LARGE1: variants seen among roughly 807,000 people sequenced by gnomAD.
The protein encoded by LARGE1 is xylosyl- and glucuronyltransferase LARGE1.
LARGE1 carries 43 observed loss-of-function variants against 87.6 expected under a neutral mutation model. The observed-to-expected ratio is 0.49, with a 90% CI of 0.38 to 0.63. The LOEUF is 0.63. Among genes scored for constraint, LARGE1 ranks in the 30% least tolerant of loss-of-function variants. The probability of loss-of-function intolerance (pLI) is 0.00; values close to 1 mark genes in which losing one functional copy is unlikely to be tolerated. For missense variants in LARGE1, 802 were observed against 1,000.2 expected (o/e 0.80, Z 2.67); for synonymous variants, 434 against 394.6 (o/e 1.10, Z -1.18).
intron 5 of LARGE1, among the ~76,000 whole-genome samples, chr22:33,575,813 G>A (rs561925056): frequency 3.3e-5 from 5 of 152,250 alleles, no homozygotes; most frequent in Non-Finnish European, 7.3e-5. Context: ...CTACAGACAC[G>A]TCCCTCCTCC....
chr22:33,515,179 T>C (rs1156700519), intron 6 of LARGE1, among the ~76,000 whole-genome samples: 1 of 151,932 alleles, frequency 6.6e-6, no homozygotes, highest in Non-Finnish European at 1.5e-5. Context: ...CATGATGTGA[T>C]TCCAGACCGC....
chr22:33,115,752 G>A, the LARGE1 span, among the ~76,000 whole-genome samples: 105 of 150,198 alleles, frequency 7.0e-4, 1 homozygote, highest in African/African-American at 2.1e-3. Flanking sequence ...GGGAGGCGGC[G>A]GTTGCAGTGA....
chr22:33,765,708 A>AAG (rs5845109), intron 1 of LARGE1, among the ~76,000 whole-genome samples: 1 of 19,926 alleles, frequency 5.0e-5, no homozygotes, highest in Admixed American at 3.0e-4. Flanking sequence ...TCCATCTCAC[A>AAG]AAAAAAAAAA....
At chr22:33,520,562 C>T (rs1031186395) in intron 6 of LARGE1, among the ~76,000 whole-genome samples, 2 of 152,246 alleles carry the variant, frequency 1.3e-5, no homozygotes, top group African/African-American at 2.4e-5. Flanking sequence ...CCAACACCTG[C>T]CCCCACTGCC....
At chr22:33,181,708 T>C (rs1328103924) in intron 11 of LARGE1, among the ~76,000 whole-genome samples, 1 of 151,962 alleles carries the variant, frequency 6.6e-6, no homozygotes, top group Non-Finnish European at 1.5e-5. Context: ...TTTTGTATTT[T>C]TAGTAGAGAT....
At chr22:33,470,030 C>T (rs904010134) in intron 6 of LARGE1, among the ~76,000 whole-genome samples, 3 of 151,372 alleles carry the variant, frequency 2.0e-5, no homozygotes, top group Non-Finnish European at 3.0e-5. Context: ...GCTGGGACTA[C>T]AGGCTCCTGC....
chr22:33,315,412 A>G (rs1936045621), intron 11 of LARGE1, among the ~76,000 whole-genome samples: 1 of 152,220 alleles, frequency 6.6e-6, no homozygotes, highest in Non-Finnish European at 1.5e-5. Context: ...TTGCTTCATC[A>G]ATACACATAG....
At chr22:33,070,905 TG>T in the LARGE1 span, among the ~76,000 whole-genome samples, 1 of 151,580 alleles carries the variant, frequency 6.6e-6, no homozygotes, top group African/African-American at 2.4e-5. Context: ...AGAACAGGAG[TG>T]GGAGCAGAGG....
At chr22:33,334,319 C>T (rs1280193269) in intron 10 of LARGE1, among the ~76,000 whole-genome samples, 2 of 143,546 alleles carry the variant, frequency 1.4e-5, no homozygotes, top group Middle Eastern at 3.8e-3. Context: ...GAAGCTGAAG[C>T]AGAATTGCTT....
In LARGE1 at chr22:33,600,196, T is replaced by C. The variant is rs183467525; in HGVS notation, c.615+4239A>G. Among the ~76,000 whole-genome samples, 40 of 152,338 alleles carry C rather than the reference T, an allele frequency of 2.6e-4. No individual in the cohort carries two copies. In the East Asian group the frequency reaches 5.0e-3, roughly 19 times the overall value. ...TTATTCTTAGGGACCCAGCTCTAAA[T>C]TCATTGTGTATCAGTCATTCAGTAA... is the stretch of plus-strand genomic sequence containing the variant. On this transcript the variant is annotated intron_variant, in intron 5 of 14. Coordinates refer to ENST00000397394, the MANE Select transcript of LARGE1 (RefSeq NM_133642.5).
At chr22:33,699,329 C>T (rs940127639) in intron 2 of LARGE1, among the ~76,000 whole-genome samples, 6 of 152,126 alleles carry the variant, frequency 3.9e-5, no homozygotes, top group African/African-American at 1.2e-4. Flanking sequence ...GTGAAAATCC[C>T]GGAGACAATG....
the LARGE1 span, among the ~76,000 whole-genome samples, chr22:33,126,710 A>G: frequency 1.3e-5 from 2 of 152,268 alleles, no homozygotes; most frequent in Admixed American, 6.5e-5. Context: ...GGGGCAAGAC[A>G]TAATGTGTGG....
chr22:33,784,695 T>C (rs1050028724), intron 1 of LARGE1, among the ~76,000 whole-genome samples: 2 of 152,246 alleles, frequency 1.3e-5, no homozygotes, highest in Non-Finnish European at 2.9e-5. Context: ...ATGCACAAAA[T>C]GAATCTTTAT....
chr22:33,488,275 T>C (rs1226620770), intron 6 of LARGE1, among the ~76,000 whole-genome samples: 2 of 152,230 alleles, frequency 1.3e-5, no homozygotes, highest in Non-Finnish European at 2.9e-5. Flanking sequence ...GACCACATGG[T>C]AGTGGTTACC....
At chr22:33,226,549 C>T (rs1309720452) in intron 11 of LARGE1, among the ~76,000 whole-genome samples, 2 of 152,170 alleles carry the variant, frequency 1.3e-5, no homozygotes, top group Non-Finnish European at 2.9e-5. Context: ...CTCAGCCTCA[C>T]TTATCTACCC....
chr22:33,728,576 A>AACAAC (rs1556015676), intron 2 of LARGE1, among the ~76,000 whole-genome samples: 4 of 103,732 alleles, frequency 3.9e-5, no homozygotes, highest in Non-Finnish European at 8.3e-5. Context: ...AAAAAAAAAA[A>AACAAC]AAACCAACAA....
chr22:33,451,706 G>A lies in LARGE1; in HGVS notation c.788-19441C>T, dbSNP rs183400381. 6.7e-5 allele frequency among the ~76,000 whole-genome samples: 10 copies of A among 150,372 alleles called. No individual in the cohort carries two copies. The South Asian group carries it at 1.3e-3, about 19-fold the overall frequency. Reference sequence around the variant, plus strand: ...CCCGAGTAGCTGGGATTACAGGCACGCACCACCACACCCAGCTAATTTTTG... The same window carrying A: ...CCCGAGTAGCTGGGATTACAGGCACACACCACCACACCCAGCTAATTTTTG... On this transcript the variant is annotated intron_variant, in intron 6 of 14. Coordinates refer to ENST00000397394, the MANE Select transcript of LARGE1 (RefSeq NM_133642.5).
At chr22:33,346,355 T>C (rs1159833163) in intron 9 of LARGE1, among the ~76,000 whole-genome samples, 3 of 151,546 alleles carry the variant, frequency 2.0e-5, no homozygotes, top group Non-Finnish European at 4.4e-5. Flanking sequence ...CAGGCTGGAG[T>C]GCAATGATGC....
chr22:33,832,474 C>T (rs991519946), intron 1 of LARGE1, among the ~76,000 whole-genome samples: 7 of 144,270 alleles, frequency 4.9e-5, no homozygotes, highest in Non-Finnish European at 1.1e-4. Flanking sequence ...AGGGACAGTG[C>T]TGTCAGTGCT....
Sources: allele counts gnomAD v4.1 joint callset (sites outside exome capture counted in the v4.1 genomes callset), GRCh38; gene constraint gnomAD v4.1.1; transcripts MANE v1.5; gene names NCBI Gene and HGNC (gene_info 2026-07-23, HGNC 2026-07-21).